Variants in GLIS3 observed in about 807,000 individuals in gnomAD.
GLIS3 encodes the protein zinc finger protein GLIS3.
Under a neutral mutation model 78.6 loss-of-function variants are expected in GLIS3, and 53 were observed. The observed-to-expected ratio is 0.67, with a 90% confidence interval of 0.54 to 0.85. The LOEUF is 0.85. Ranked by LOEUF, GLIS3 falls within the 40% of genes least tolerant of loss-of-function variation. The probability of loss-of-function intolerance (pLI) is 0.00; values close to 1 mark genes in which losing one functional copy is unlikely to be tolerated. For missense variants in GLIS3, 1,703 were observed against 1,231.1 expected (o/e 1.38, Z -5.74); for synonymous variants, 684 against 509.9 (o/e 1.34, Z -4.60).
At chr9:4,294,509 C>T (rs74736678) in intron 1 of GLIS3, among the ~76,000 whole-genome samples, 1 of 135,840 alleles carries the variant, frequency 7.4e-6, no homozygotes, top group African/African-American at 2.7e-5. Flanking sequence ...AATTATGTCT[C>T]AAAAAAAAAA....
At chr9:4,364,674 A>C in the GLIS3 span, among the ~76,000 whole-genome samples, 1 of 139,004 alleles carries the variant, frequency 7.2e-6, no homozygotes, top group Non-Finnish European at 1.6e-5. Context: ...GATAATGCTT[A>C]TCTTTTTATT....
At position 4,118,341 on chromosome 9, in the gene GLIS3, C is replaced by T. The variant is rs1278610506; in HGVS notation, c.1137G>A (p.Leu379=). The T allele has an allele frequency of 3.8e-6, 6 of 1,579,248 alleles. No homozygotes were observed. The highest frequency in any genetic ancestry group is 5.1e-6 in the Non-Finnish European group (6 of 1,166,310). ...QKGVLVAPGG[L]ALPAYGEDGA... is the part of the protein sequence containing the mutation. ...CGTCCTCGCCGTAGGCCGGCAGCGCCAGGCCTCCAGGGGCCACCAGCACGC... is the reference window on the plus strand; with the variant it reads ...CGTCCTCGCCGTAGGCCGGCAGCGCTAGGCCTCCAGGGGCCACCAGCACGC... Residue 379 remains leucine (L), a synonymous_variant, in exon 4 of 11, where the codon CTG becomes CTA. Coordinates refer to ENST00000381971, the MANE Select transcript of GLIS3 (RefSeq NM_001042413.2). The surrounding 1 kb of genome is among the most constrained non-coding windows in gnomAD (Gnocchi z 4.7).
chr9:4,418,330 G>A, the GLIS3 span, among the ~76,000 whole-genome samples: 1 of 152,312 alleles, frequency 6.6e-6, no homozygotes, highest in East Asian at 1.9e-4. Context: ...AGATAGACAT[G>A]CAGATTGTAG....
the GLIS3 span, among the ~76,000 whole-genome samples, chr9:4,431,836 C>T: frequency 7.1e-6 from 1 of 141,404 alleles, no homozygotes; most frequent in Non-Finnish European, 1.5e-5. Flanking sequence ...AAGAGCAAAA[C>T]TCCATCTGAA....
intron 2 of GLIS3, among the ~76,000 whole-genome samples, chr9:4,216,860 AT>A (rs1820900549): frequency 6.6e-6 from 1 of 152,226 alleles, no homozygotes; most frequent in Non-Finnish European, 1.5e-5. Flanking sequence ...TGTCACGTGC[AT>A]TATGTTAAAA....
At chr9:4,444,299 A>G in the GLIS3 span, among the ~76,000 whole-genome samples, 1 of 152,232 alleles carries the variant, frequency 6.6e-6, no homozygotes, top group African/African-American at 2.4e-5. Flanking sequence ...ATACACAATA[A>G]TAAAGACATC....
intron 9 of GLIS3, among the ~76,000 whole-genome samples, chr9:3,833,734 ATGTT>A (rs1165059991): frequency 6.6e-6 from 1 of 152,186 alleles, no homozygotes; most frequent in African/African-American, 2.4e-5. Flanking sequence ...TTGGCAATAA[ATGTT>A]AGTTGTTATT....
chr9:3,861,006 G>C (rs1820178392), intron 8 of GLIS3, among the ~76,000 whole-genome samples: 2 of 152,154 alleles, frequency 1.3e-5, no homozygotes. Context: ...GCAAAGGGCG[G>C]GGTGGATTAG....
At chr9:4,257,503 G>C (rs1001959350) in intron 2 of GLIS3, among the ~76,000 whole-genome samples, 1 of 152,170 alleles carries the variant, frequency 6.6e-6, no homozygotes, top group South Asian at 2.1e-4. Flanking sequence ...CAAACCAAAA[G>C]AAAGAAAGGT....
intron 2 of GLIS3, among the ~76,000 whole-genome samples, chr9:4,265,121 G>A (rs1354822217): frequency 6.8e-6 from 1 of 147,232 alleles, no homozygotes; most frequent in Admixed American, 6.9e-5. Flanking sequence ...GCAGTGAGCC[G>A]AGATCACGCC....
At chr9:4,463,780 T>C in the GLIS3 span, among the ~76,000 whole-genome samples, 1 of 152,230 alleles carries the variant, frequency 6.6e-6, no homozygotes. Context: ...TTTCTCCATT[T>C]TTCTGTTTCT....
chr9:3,905,054 G>A lies in GLIS3; in HGVS notation c.1984-6219C>T, dbSNP rs369838927. Among the ~76,000 whole-genome samples the A allele has an allele frequency of 2.6e-3, 394 of 150,668 alleles. 3 individuals are homozygous for A. Among genetic ancestry groups the A allele is most frequent in the Middle Eastern group, 0.01 (3 of 290 alleles). ...GTGGCGCGATCTCGGCTCACTGCAA[G>A]CTCTGCCTCCCAGGTTCATGCCATT... On this transcript the variant is annotated intron_variant, in intron 6 of 10. Coordinates refer to ENST00000381971, the MANE Select transcript of GLIS3 (RefSeq NM_001042413.2).
intron 6 of GLIS3, among the ~76,000 whole-genome samples, chr9:3,928,016 G>A (rs1264428557): frequency 6.6e-6 from 1 of 152,162 alleles, no homozygotes; most frequent in Non-Finnish European, 1.5e-5. Context: ...AGGATATTCA[G>A]GTATGTCTCA....
intron 4 of GLIS3, among the ~76,000 whole-genome samples, chr9:3,982,416 A>G (rs1483842093): frequency 6.6e-6 from 1 of 152,174 alleles, no homozygotes; most frequent in African/African-American, 2.4e-5. Context: ...ACAGCTCATT[A>G]CAACTCTAGT....
chr9:3,955,376 A>C (rs916236309), intron 4 of GLIS3, among the ~76,000 whole-genome samples: 3 of 152,166 alleles, frequency 2.0e-5, no homozygotes, highest in Non-Finnish European at 4.4e-5. Flanking sequence ...TTTATTGAAA[A>C]AGAGAAAGAG....
the GLIS3 span, among the ~76,000 whole-genome samples, chr9:4,437,407 T>TGTATGTAC: frequency 4.9e-5 from 4 of 81,666 alleles, no homozygotes; most frequent in African/African-American, 1.5e-4. Context: ...TTTGACTGTA[T>TGTATGTAC]GTATGTATGT....
At chr9:3,940,275 A>T (rs758066416) in intron 4 of GLIS3, among the ~76,000 whole-genome samples, 29 of 151,906 alleles carry the variant, frequency 1.9e-4, no homozygotes, top group Non-Finnish European at 3.8e-4. Flanking sequence ...TATCCTTCTT[A>T]TTTTTTTTCA....
chr9:4,020,959 C>T (rs568463253), intron 4 of GLIS3, among the ~76,000 whole-genome samples: 8 of 152,256 alleles, frequency 5.3e-5, no homozygotes, highest in Admixed American at 1.3e-4. Context: ...GACTTCTATG[C>T]GCTAGAGAAA....
the GLIS3 span, among the ~76,000 whole-genome samples, chr9:4,406,880 T>C: frequency 6.6e-6 from 1 of 152,228 alleles, no homozygotes; most frequent in Non-Finnish European, 1.5e-5. Flanking sequence ...CAAAGCAATC[T>C]ACAGATTCAA....
Sources: gnomAD v4.1 joint callset for allele counts (sites outside exome capture counted in the v4.1 genomes callset) on GRCh38, gnomAD v4.1.1 for gene constraint, Gnocchi (gnomAD v3.1) non-coding constraint, MANE v1.5 for transcripts, NCBI Gene and HGNC (gene_info 2026-07-23, HGNC 2026-07-21) for gene names.